The following DPP10 variants were observed in gnomAD, a reference collection of about 807,000 sequenced individuals.
The protein encoded by DPP10 is dipeptidyl peptidase like 10.
A neutral mutation model predicts 120.9 loss-of-function variants in DPP10; 33 were observed. That is an observed-to-expected ratio of 0.27 (90% CI 0.21 to 0.37). The LOEUF (loss-of-function observed/expected upper bound fraction) is 0.37. Ranked by LOEUF, DPP10 falls within the 10% of genes least tolerant of loss-of-function variation. DPP10 has a pLI of 1.00. For missense variants in DPP10, 816 were observed against 942.8 expected, an observed-to-expected ratio of 0.87 and a Z score of 1.76; for synonymous variants, 337 against 326.1, an observed-to-expected ratio of 1.03 and a Z score of -0.36.
chr2:114,846,807 A>G (rs1402305801), intron 1 of DPP10, among the ~76,000 whole-genome samples: 2 of 152,156 alleles, frequency 1.3e-5, no homozygotes, highest in Admixed American at 6.6e-5. Context: ...GCTACTTCCA[A>G]TTAGGCTGTC....
intron 1 of DPP10, among the ~76,000 whole-genome samples, chr2:115,304,608 A>G (rs753356941): frequency 2.6e-5 from 4 of 152,034 alleles, no homozygotes; most frequent in Non-Finnish European, 5.9e-5. Flanking sequence ...ATATAGATGG[A>G]TTATATTTCT....
intron 1 of DPP10, among the ~76,000 whole-genome samples, chr2:114,590,041 C>T (rs563183413): frequency 2.5e-4 from 38 of 151,954 alleles, no homozygotes; most frequent in Middle Eastern, 3.4e-3. Context: ...TAGTAGTGTA[C>T]TGGTAAATGT....
chr2:114,579,076 C>T lies in DPP10; in HGVS notation c.60+136238C>T, dbSNP rs146162609. On this transcript the variant is annotated intron_variant, in intron 1 of 25. Transcript: ENST00000410059. The stretch of plus-strand genomic sequence containing the variant: ...TCATTCATCCAGAATTTATTGAGCA[C>T]CCATCATTTATCTTGTACTCAGCTA... Among the ~76,000 whole-genome samples, 12 of 152,268 alleles carry T rather than the reference C, an allele frequency of 7.9e-5. No individual in the cohort carries two copies. In the East Asian group the frequency reaches 1.9e-3, roughly 25 times the overall value.
intron 1 of DPP10, among the ~76,000 whole-genome samples, chr2:115,240,235 C>T (rs1312473229): frequency 1.3e-5 from 2 of 152,154 alleles, no homozygotes; most frequent in Non-Finnish European, 2.9e-5. Context: ...TAAAAGTGTT[C>T]CTGTTTCTCC....
chr2:115,044,545 A>G (rs1158048975), intron 1 of DPP10, among the ~76,000 whole-genome samples: 1 of 152,018 alleles, frequency 6.6e-6, no homozygotes, highest in African/African-American at 2.4e-5. Flanking sequence ...AAGCACTGGA[A>G]GGATGGTGCT....
chr2:115,728,053 C>T, intron 8 of DPP10, 117 bp downstream of exon 8: 1 of 1,233,994 alleles, frequency 8.1e-7, no homozygotes, highest in Non-Finnish European at 1.1e-6. Flanking sequence ...TTCTCATTTT[C>T]TCTCAAAATT....
chr2:114,993,031 C>T (rs1385308972), intron 1 of DPP10, among the ~76,000 whole-genome samples: 1 of 152,150 alleles, frequency 6.6e-6, no homozygotes, highest in Non-Finnish European at 1.5e-5. Flanking sequence ...ATATGTCATA[C>T]CCTTTAATGT....
At chr2:114,936,668 C>A (rs1399621860) in intron 1 of DPP10, among the ~76,000 whole-genome samples, 3 of 152,054 alleles carry the variant, frequency 2.0e-5, no homozygotes, top group Admixed American at 6.6e-5. Context: ...AATCTCCACA[C>A]CTTTTTTCAC....
At chr2:115,332,780 G>T (rs936895531) in intron 2 of DPP10, among the ~76,000 whole-genome samples, 1 of 152,158 alleles carries the variant, frequency 6.6e-6, no homozygotes, top group African/African-American at 2.4e-5. Context: ...TTGCGCTGTG[G>T]TCTGAGAGAC....
At chr2:115,304,926 T>C (rs1223655092) in intron 1 of DPP10, among the ~76,000 whole-genome samples, 2 of 152,040 alleles carry the variant, frequency 1.3e-5, no homozygotes, top group African/African-American at 4.8e-5. Context: ...CCCTGAAGGA[T>C]GATGAGTAAT....
intron 3 of DPP10, among the ~76,000 whole-genome samples, chr2:115,415,666 T>G (rs2069325483): frequency 6.6e-6 from 1 of 151,810 alleles, no homozygotes; most frequent in South Asian, 2.1e-4. Context: ...TTTGTACTGA[T>G]GTATAAAATG....
chr2:115,456,710 A>T (rs1374380461), intron 3 of DPP10, among the ~76,000 whole-genome samples: 2 of 152,170 alleles, frequency 1.3e-5, no homozygotes, highest in East Asian at 3.9e-4. Flanking sequence ...TAACACAAGA[A>T]CAGAAAACCA....
chr2:114,986,067 CATA>C lies in DPP10; in HGVS notation c.61-323168_61-323166del, dbSNP rs376570718. ...ATAGTGTATCATTGAAATGTTTGCA[CATA>C]ATATGTGTAACAACGTTTGAAATAA... On this transcript the variant is annotated intron_variant, in intron 1 of 25. Coordinates refer to ENST00000410059, the MANE Select transcript of DPP10 (RefSeq NM_020868.6). Among the ~76,000 whole-genome samples the C allele has an allele frequency of 7.9e-3, 1,195 of 152,192 alleles. 22 individuals carry two copies. The highest frequency in any genetic ancestry group is 0.027 in the African/African-American group (1,127 of 41,514).
chr2:114,514,451 T>C (rs1459171450), intron 1 of DPP10, among the ~76,000 whole-genome samples: 1 of 152,180 alleles, frequency 6.6e-6, no homozygotes, highest in Admixed American at 6.5e-5. Flanking sequence ...TAGAACTGAA[T>C]TTTAGCATCT....
At chr2:115,075,457 A>G (rs888199271) in intron 1 of DPP10, among the ~76,000 whole-genome samples, 15 of 152,192 alleles carry the variant, frequency 9.9e-5, no homozygotes, top group African/African-American at 2.9e-4. Flanking sequence ...TTGTCTGGCC[A>G]TGTCAGTTTC....
intron 1 of DPP10, among the ~76,000 whole-genome samples, chr2:114,693,068 C>A (rs1699863899): frequency 6.6e-6 from 1 of 151,924 alleles, no homozygotes; most frequent in African/African-American, 2.4e-5. Context: ...GGGCATTAAG[C>A]CCATTTACAT....
intron 1 of DPP10, among the ~76,000 whole-genome samples, chr2:114,716,695 T>C (rs1259875845): frequency 1.3e-5 from 2 of 152,194 alleles, no homozygotes; most frequent in Admixed American, 6.6e-5. Flanking sequence ...ATAAAGTAGA[T>C]AATTTGTAAG....
At chr2:114,651,482 C>T (rs1216635947) in intron 1 of DPP10, among the ~76,000 whole-genome samples, 1 of 152,118 alleles carries the variant, frequency 6.6e-6, no homozygotes. Flanking sequence ...CTGTACCCAC[C>T]AAGCCTAAAT....
intron 8 of DPP10, 95 bp downstream of exon 8, chr2:115,728,031 C>A (rs2092808218): frequency 1.5e-6 from 2 of 1,374,158 alleles, no homozygotes; most frequent in East Asian, 5.1e-5. Flanking sequence ...GCAATACTTA[C>A]AGTACAGTTT....
Sources: allele counts gnomAD v4.1 joint callset (sites outside exome capture counted in the v4.1 genomes callset), GRCh38; gene constraint gnomAD v4.1.1; transcripts MANE v1.5; gene names NCBI Gene and HGNC (gene_info 2026-07-23, HGNC 2026-07-21).